KIF13A: variants seen among roughly 807,000 people sequenced by gnomAD.
The protein encoded by KIF13A is kinesin-like protein KIF13A.
Under a neutral mutation model 212.2 loss-of-function variants are expected in KIF13A, and 79 were observed. That is an observed-to-expected ratio of 0.37 (90% CI 0.31 to 0.45). KIF13A has a LOEUF of 0.45. Among genes scored for constraint, KIF13A ranks in the 20% least tolerant of loss-of-function variants. KIF13A has a pLI of 1.00. For missense variants in KIF13A, 1,901 were observed against 2,209.0 expected, an observed-to-expected ratio of 0.86 and a Z score of 2.79; for synonymous variants, 789 against 808.6, an observed-to-expected ratio of 0.98 and a Z score of 0.41.
rs745932663 is a variant in KIF13A, at chr6:17,849,526, T to C, written c.718-37A>G. The stretch of plus-strand genomic sequence containing the variant: ...AAACGAGAGAGAGAAGAAAAACTTA[T>C]CAATAAAAACCACATGGATATCTAC... On this transcript the variant is annotated intron_variant, in intron 8 of 38. Coordinates refer to ENST00000259711, the MANE Select transcript of KIF13A (RefSeq NM_022113.6). The surrounding 1 kb of genome is among the most constrained non-coding windows in gnomAD (Gnocchi z 5.7). 2.0e-6 allele frequency: 3 copies of C among 1,506,968 alleles called. No individual in the cohort carries two copies. The highest frequency in any genetic ancestry group is 2.3e-5 in the East Asian group (1 of 43,986). The allele number at this position is 1,506,968 out of a possible 1,614,324, so 93.3% of individuals were successfully genotyped here. A position where few individuals can be genotyped will look rare whatever the true frequency, so the allele number is the denominator to read the frequency against.
Position 17,837,710 on chromosome 6 carries a change from G to GGCCTCCCAAAGTGCT in KIF13A, c.831-128_831-127insAGCACTTTGGGAGGC. Reference sequence around the variant, plus strand: ...CTCACGCCCGTAATCCCAGCACTTTGGGAGGCCAAGGTGGATGAATCACTT... The same window carrying GGCCTCCCAAAGTGCT: ...CTCACGCCCGTAATCCCAGCACTTTGGCCTCCCAAAGTGCTGGAGGCCAAGGTGGATGAATCACTT... On this transcript the variant is annotated intron_variant, in intron 9 of 38. Transcript: ENST00000259711. This position sits in a 1 kb window ranked among gnomAD's most constrained non-coding sequence, Gnocchi z 5.4. 1 of 652,122 alleles carries GGCCTCCCAAAGTGCT rather than the reference G, an allele frequency of 1.5e-6. No individual in the cohort carries two copies. Among genetic ancestry groups the GGCCTCCCAAAGTGCT allele is most frequent in the Non-Finnish European group, 2.6e-6 (1 of 378,370 alleles). The allele number at this position is 652,122 out of a possible 1,614,324, so 40.4% of individuals were successfully genotyped here.
At chr6:17,933,876 A>G (rs1469668702) in intron 2 of KIF13A, among the ~76,000 whole-genome samples, 1 of 152,186 alleles carries the variant, frequency 6.6e-6, no homozygotes, top group Non-Finnish European at 1.5e-5. Context: ...AGCCTGGCAC[A>G]GTGGCTTAAT....
rs1399420136 is a variant in KIF13A at position 17,825,292 on chromosome 6, A to G, written c.1786+476T>C. Among the ~76,000 whole-genome samples the G allele has an allele frequency of 1.3e-5, 2 of 152,204 alleles. No individual in the cohort carries two copies. The highest frequency in any genetic ancestry group is 6.5e-5 in the Admixed American group (1 of 15,278). The stretch of plus-strand genomic sequence containing the variant: ...TTTCACTATCATTTTTGTAAAAGTG[A>G]TCTGGGCTTATTAAATAAATATCTT... On this transcript the variant is annotated intron_variant, in intron 16 of 38. Transcript: ENST00000259711. The surrounding 1 kb of genome is among the most constrained non-coding windows in gnomAD (Gnocchi z 4.5).
At position 17,828,481 on chromosome 6, in the gene KIF13A, G is replaced by A. The variant is rs574109234; in HGVS notation, c.1402-111C>T. 34 of 818,854 alleles carry A rather than the reference G, an allele frequency of 4.2e-5. No homozygotes were observed. The highest frequency in any genetic ancestry group is 3.5e-4 in the African/African-American group (20 of 57,544). 50.7% of individuals were successfully genotyped at this position (818,854 alleles called of 1,614,324 possible). On this transcript the variant is annotated intron_variant, in intron 13 of 38. Coordinates refer to ENST00000259711, the MANE Select transcript of KIF13A (RefSeq NM_022113.6). This position sits in a 1 kb window ranked among gnomAD's most constrained non-coding sequence, Gnocchi z 4.3. ...CAGCATATGCACAAAAATATTAAACGAATCCTGCCAGAGATGTTAAATATC... is the reference window on the plus strand; with the variant it reads ...CAGCATATGCACAAAAATATTAAACAAATCCTGCCAGAGATGTTAAATATC...
rs6459582 is a variant in KIF13A, at chr6:17,967,855, G to A, written c.146+19199C>T. Among the ~76,000 whole-genome samples, 33,545 of 152,092 alleles carry A rather than the reference G, an allele frequency of 0.22. 4,253 individuals carry two copies. The highest frequency in any genetic ancestry group is 0.35 in the African/African-American group (14,551 of 41,426). On this transcript the variant is annotated intron_variant, in intron 2 of 38. Coordinates refer to ENST00000259711, the MANE Select transcript of KIF13A (RefSeq NM_022113.6). This position sits in a 1 kb window ranked among gnomAD's most constrained non-coding sequence, Gnocchi z 4.1. ...AACTTGTTAATAAGGTGCTCATTAA[G>A]TAAGTCTGTAAAAGCTTACTTAATA... is the stretch of plus-strand genomic sequence containing the variant.
chr6:17,942,469 C>T (rs1331638302), intron 2 of KIF13A, among the ~76,000 whole-genome samples: 2 of 152,096 alleles, frequency 1.3e-5, no homozygotes, highest in African/African-American at 4.8e-5. Flanking sequence ...AAATTTCACT[C>T]CCTCCCATCT....
chr6:17,893,821 T>C (rs1284108531), intron 3 of KIF13A, among the ~76,000 whole-genome samples: 1 of 150,132 alleles, frequency 6.7e-6, no homozygotes, highest in Non-Finnish European at 1.5e-5. Flanking sequence ...CAAATGCTTT[T>C]TTTCCTGCAT....
intron 16 of KIF13A, chr6:17,821,975 G>A: frequency 6.6e-7 from 1 of 1,505,584 alleles, no homozygotes; most frequent in East Asian, 2.5e-5. Flanking sequence ...ATCAGAGACT[G>A]TGTGTATGCC....
At chr6:17,781,443 T>C in intron 29 of KIF13A, 142 bp from the exon 30 acceptor site, 1 of 823,748 alleles carries the variant, frequency 1.2e-6, no homozygotes, top group Non-Finnish European at 1.8e-6. Flanking sequence ...TATTCTGCAG[T>C]TGAAATAGAG....
At position 17,951,305 on chromosome 6, in the gene KIF13A, AT is replaced by A; in HGVS notation, c.146+35748del. 2 of 604,218 alleles carry A rather than the reference AT, an allele frequency of 3.3e-6. No homozygotes were observed. Among genetic ancestry groups the A allele is most frequent in the Admixed American group, 2.8e-5 (1 of 35,692 alleles). 37.4% of individuals were successfully genotyped at this position (604,218 alleles called of 1,614,324 possible). A position where few individuals can be genotyped will look rare whatever the true frequency, so the allele number is the denominator to read the frequency against. ...ACCACGTCCAGCTAATTTTAAACAA[AT>A]TTTTTGTAGAGATGGGGTTTTGCCA... On this transcript the variant is annotated intron_variant, in intron 2 of 38. Transcript: ENST00000259711. This position sits in a 1 kb window ranked among gnomAD's most constrained non-coding sequence, Gnocchi z 4.9.
rs1765191524 is a variant in KIF13A at position 17,828,882 on chromosome 6, T to C, written c.1402-512A>G. 6.6e-6 allele frequency among the ~76,000 whole-genome samples: 1 copy of C among 152,170 alleles called. No individual in the cohort carries two copies. The highest frequency in any genetic ancestry group is 2.1e-4 in the South Asian group (1 of 4,832). On this transcript the variant is annotated intron_variant, in intron 13 of 38. Coordinates refer to ENST00000259711, the MANE Select transcript of KIF13A (RefSeq NM_022113.6). The surrounding 1 kb of genome is among the most constrained non-coding windows in gnomAD (Gnocchi z 4.3). ...TATTCAACTTTGAAAATGCTAAAAA[T>C]TTTGAATTTCTAATACTGATATTAC...
Position 17,773,491 on chromosome 6 carries a change from T to C in KIF13A, c.4311A>G (p.Arg1437=), listed in dbSNP as rs767801548. 9 of 1,590,910 alleles carry C rather than the reference T, an allele frequency of 5.7e-6. No homozygotes were observed. The Admixed American group carries it at 8.3e-5, about 15-fold the overall frequency. ...TCTCACCACTACCTTCTTTATTCCTTCGAGGAGAATCCCTGGGTAAAGTTC... is the reference window on the plus strand; with the variant it reads ...TCTCACCACTACCTTCTTTATTCCTCCGAGGAGAATCCCTGGGTAAAGTTC... ...CYGTLPRDSP[R]RNKEGCTSET... is the part of the protein sequence containing the mutation. The change falls in exon 36 of 39, where the codon CGA becomes CGG. Residue 1437 remains arginine, a synonymous_variant. Transcript: ENST00000259711. This position sits in a 1 kb window ranked among gnomAD's most constrained non-coding sequence, Gnocchi z 4.2.
downstream of KIF13A, among the ~76,000 whole-genome samples, chr6:17,762,459 G>A (rs572515630): frequency 1.8e-4 from 27 of 152,176 alleles, no homozygotes; most frequent in African/African-American, 6.0e-4. Context: ...CAATCCACCT[G>A]CCTCGGCCTT....
chr6:17,975,325 G>A (rs1479318077), intron 2 of KIF13A, among the ~76,000 whole-genome samples: 3 of 149,546 alleles, frequency 2.0e-5, no homozygotes, highest in Non-Finnish European at 3.0e-5. Context: ...GAATTAGTAG[G>A]TTCTTGGTCT....
intron 2 of KIF13A, among the ~76,000 whole-genome samples, chr6:17,973,791 C>T (rs972801500): frequency 6.6e-5 from 10 of 152,192 alleles, no homozygotes; most frequent in African/African-American, 2.4e-4. Context: ...TGCTCCATAG[C>T]CCAGATCGGA....
In KIF13A at chr6:17,915,704, G is replaced by C. The variant is rs928639375; in HGVS notation, c.147-17524C>G. ...AGGCCAGGCACAGTGGCTCACGCCT[G>C]TAATCGCAGCACTTTGGGAGGCTAA... is the stretch of plus-strand genomic sequence containing the variant. On this transcript the variant is annotated intron_variant, in intron 2 of 38. Coordinates refer to ENST00000259711, the MANE Select transcript of KIF13A (RefSeq NM_022113.6). The surrounding 1 kb of genome is among the most constrained non-coding windows in gnomAD (Gnocchi z 4.4). Among the ~76,000 whole-genome samples the C allele has an allele frequency of 6.6e-6, 1 of 152,154 alleles. No individual in the cohort carries two copies. Among genetic ancestry groups the C allele is most frequent in the African/African-American group, 2.4e-5 (1 of 41,430 alleles).
chr6:17,937,784 C>T lies in KIF13A; in HGVS notation c.147-39604G>A, dbSNP rs147095730. Among the ~76,000 whole-genome samples the T allele has an allele frequency of 2.8e-3, 415 of 149,142 alleles. 1 individual carries two copies. Among genetic ancestry groups the T allele is most frequent in the African/African-American group, 9.9e-3 (401 of 40,412 alleles). ...TGTTTTTTTGAGACGGAGTCTCGCT[C>T]TGTCGACCAGGCTGGAGTACAGTGG... On this transcript the variant is annotated intron_variant, in intron 2 of 38. Transcript: ENST00000259711.
At chr6:17,761,856 G>A (rs1758601004), downstream of KIF13A, among the ~76,000 whole-genome samples, 1 of 152,086 alleles carries the variant, frequency 6.6e-6, no homozygotes, top group Non-Finnish European at 1.5e-5. Context: ...AAAGAAGGGG[G>A]TTGTTGCTCC....
At chr6:17,907,843 G>A (rs1773659049) in intron 2 of KIF13A, among the ~76,000 whole-genome samples, 1 of 152,220 alleles carries the variant, frequency 6.6e-6, no homozygotes, top group South Asian at 2.1e-4. Flanking sequence ...TGACTGCCAT[G>A]ATGACTCAGC....
Sources: gnomAD v4.1 joint callset for allele counts (sites outside exome capture counted in the v4.1 genomes callset) on GRCh38, gnomAD v4.1.1 for gene constraint, Gnocchi (gnomAD v3.1) non-coding constraint, MANE v1.5 for transcripts, NCBI Gene and HGNC (gene_info 2026-07-23, HGNC 2026-07-21) for gene names.